PTPRN2: variants seen among roughly 807,000 people sequenced by gnomAD.
PTPRN2 encodes the protein protein tyrosine phosphatase receptor type N2.
Under a neutral mutation model 118.8 loss-of-function variants are expected in PTPRN2, and 74 were observed. The observed-to-expected ratio is 0.62, with a 90% CI of 0.52 to 0.76. The LOEUF is 0.76. Among genes scored for constraint, PTPRN2 ranks in the 30% least tolerant of loss-of-function variants. PTPRN2 has a pLI of 0.00. For synonymous variants in PTPRN2, 641 were observed against 608.0 expected (o/e 1.05, Z -0.80); for missense variants, 1,481 against 1,394.4 (o/e 1.06, Z -0.99).
chr7:158,317,439 G>T (rs546451525), intron 2 of PTPRN2, among the ~76,000 whole-genome samples: 20 of 152,350 alleles, frequency 1.3e-4, no homozygotes, highest in African/African-American at 4.8e-4. Flanking sequence ...GGCGGCGCAG[G>T]AGAGGCGCGG....
At chr7:158,301,280 G>A (rs1800869257) in intron 3 of PTPRN2, among the ~76,000 whole-genome samples, 2 of 152,262 alleles carry the variant, frequency 1.3e-5, no homozygotes, top group Admixed American at 6.5e-5. Context: ...GACGAACCAC[G>A]ACCAACTCAG....
intron 5 of PTPRN2, among the ~76,000 whole-genome samples, chr7:158,174,478 C>CCAT (rs905437331): frequency 8.3e-4 from 125 of 151,328 alleles, no homozygotes; most frequent in African/African-American, 3.0e-3. Context: ...CAGCTTCCCA[C>CCAT]CATCATCATC....
intron 1 of PTPRN2, among the ~76,000 whole-genome samples, chr7:158,577,624 A>T (rs1187110959): frequency 6.6e-6 from 1 of 152,286 alleles, no homozygotes; most frequent in African/African-American, 2.4e-5. Flanking sequence ...AAGCCCAAAC[A>T]GCAAAGTGAG....
chr7:157,750,782 G>C (rs1264558356), intron 12 of PTPRN2, among the ~76,000 whole-genome samples: 1 of 152,230 alleles, frequency 6.6e-6, no homozygotes, highest in Non-Finnish European at 1.5e-5. Context: ...GCTCCTCAGT[G>C]GGTTCGGAAA....
At chr7:158,110,774 G>C in intron 10 of PTPRN2, 55 bp downstream of exon 10, 9 of 1,483,274 alleles carry the variant, frequency 6.1e-6, no homozygotes, top group Non-Finnish European at 8.3e-6. Context: ...CTCCCACCCA[G>C]TCTCTGCGAC....
intron 2 of PTPRN2, among the ~76,000 whole-genome samples, chr7:158,464,772 C>G (rs1040115014): frequency 2.0e-5 from 3 of 151,948 alleles, no homozygotes; most frequent in Non-Finnish European, 2.9e-5. Context: ...TCATCATCAC[C>G]ATCATCATCC....
intron 12 of PTPRN2, among the ~76,000 whole-genome samples, chr7:157,715,165 AGCACCCCCT>A (rs1798838635): frequency 6.6e-6 from 1 of 152,188 alleles, no homozygotes. Flanking sequence ...CCTTGAGAAA[AGCACCCCCT>A]GCAGGGTGGG....
intron 2 of PTPRN2, among the ~76,000 whole-genome samples, chr7:158,451,319 C>T (rs997192074): frequency 3.3e-5 from 5 of 152,042 alleles, no homozygotes; most frequent in South Asian, 2.1e-4. Flanking sequence ...ATTCTCTTTA[C>T]GGTGTCTTTT....
At chr7:158,391,901 C>G (rs1166587654) in intron 2 of PTPRN2, among the ~76,000 whole-genome samples, 3 of 152,236 alleles carry the variant, frequency 2.0e-5, no homozygotes, top group Non-Finnish European at 4.4e-5. Flanking sequence ...GATTTGCCAC[C>G]TGGGATGACG....
chr7:158,107,197 A>G (rs972385296), intron 10 of PTPRN2, among the ~76,000 whole-genome samples: 3 of 151,826 alleles, frequency 2.0e-5, no homozygotes, highest in African/African-American at 7.3e-5. Flanking sequence ...CTTGCTGTCC[A>G]CTGTACATTA....
intron 9 of PTPRN2, among the ~76,000 whole-genome samples, chr7:158,124,799 G>C (rs1251227657): frequency 6.6e-6 from 1 of 152,210 alleles, no homozygotes; most frequent in East Asian, 1.9e-4. Flanking sequence ...TGGGGCTGGG[G>C]TCTGTATCTC....
At position 157,794,058 on chromosome 7, in the gene PTPRN2, C is replaced by A. The variant is rs967799920; in HGVS notation, c.1788+104615G>T. ...CACACCTCGAGGGGCCCAGGACAAG[C>A]TCGGGGCCCAGGTGGCCGGGAGGGG... On this transcript the variant is annotated intron_variant, in intron 12 of 22. Transcript: ENST00000389418. This position sits in a 1 kb window ranked among gnomAD's most constrained non-coding sequence, Gnocchi z 5.2. Among the ~76,000 whole-genome samples, 2 of 152,106 alleles carry A rather than the reference C, an allele frequency of 1.3e-5. No individual in the cohort carries two copies. The highest frequency in any genetic ancestry group is 2.9e-5 in the Non-Finnish European group (2 of 68,034).
At chr7:158,281,253 C>T (rs112422868) in intron 3 of PTPRN2, among the ~76,000 whole-genome samples, 2,858 of 152,302 alleles carry the variant, frequency 0.019, 72 homozygotes, top group African/African-American at 0.065. Context: ...CATGCCACTG[C>T]ACTCCAGTCT....
intron 3 of PTPRN2, among the ~76,000 whole-genome samples, chr7:158,259,375 G>A (rs546295570): frequency 2.4e-4 from 37 of 152,264 alleles, no homozygotes; most frequent in African/African-American, 7.0e-4. Context: ...CAGGGCAAGC[G>A]GCCTCTCATC....
At chr7:158,056,502 A>T (rs1809804541) in intron 11 of PTPRN2, among the ~76,000 whole-genome samples, 1 of 152,192 alleles carries the variant, frequency 6.6e-6, no homozygotes, top group Admixed American at 6.5e-5. Context: ...ATACTTCCAC[A>T]TGTGCCTGGG....
intron 12 of PTPRN2, among the ~76,000 whole-genome samples, chr7:157,777,169 C>T (rs1803378457): frequency 6.6e-6 from 1 of 152,164 alleles, no homozygotes; most frequent in South Asian, 2.1e-4. Flanking sequence ...TTTCTCCACA[C>T]ACAATTCAAT....
At chr7:157,700,142 A>G (rs955927267) in intron 12 of PTPRN2, among the ~76,000 whole-genome samples, 3 of 152,346 alleles carry the variant, frequency 2.0e-5, no homozygotes, top group Non-Finnish European at 2.9e-5. Flanking sequence ...TACGTTTTCT[A>G]AGCTTTTTCA....
chr7:158,079,238 C>T (rs1322205752), intron 11 of PTPRN2, among the ~76,000 whole-genome samples: 1 of 152,136 alleles, frequency 6.6e-6, no homozygotes, highest in Non-Finnish European at 1.5e-5. Context: ...AACAATTTTG[C>T]ACACGTTCAA....
chr7:158,385,710 T>C (rs989114520), intron 2 of PTPRN2, among the ~76,000 whole-genome samples: 5 of 152,204 alleles, frequency 3.3e-5, no homozygotes, highest in African/African-American at 1.2e-4. Flanking sequence ...ACTGATGAGC[T>C]ACGTGATACC....
Sources: allele counts gnomAD v4.1 joint callset (sites outside exome capture counted in the v4.1 genomes callset), GRCh38; gene constraint gnomAD v4.1.1; non-coding constraint Gnocchi (gnomAD v3.1); transcripts MANE v1.5; gene names NCBI Gene and HGNC (gene_info 2026-07-23, HGNC 2026-07-21).